HK1: variants seen among roughly 807,000 people sequenced by gnomAD.
HK1 encodes the protein hexokinase-1.
In HK1, 28 loss-of-function variants were observed where a neutral mutation model predicts 91.6. That is an observed-to-expected ratio of 0.31 (90% CI 0.23 to 0.42). The LOEUF is 0.42. Among genes scored for constraint, HK1 ranks in the 10% least tolerant of loss-of-function variants. HK1 has a pLI of 1.00. For missense variants in HK1, 770 were observed against 1,219.8 expected (o/e 0.63, Z 5.49); for synonymous variants, 430 against 468.1 (o/e 0.92, Z 1.05).
chr10:69,399,931 G>A (rs1840313324), intron 17 of HK1, among the ~76,000 whole-genome samples: 1 of 152,074 alleles, frequency 6.6e-6, no homozygotes, highest in African/African-American at 2.4e-5. Context: ...CCGTGGCTTG[G>A]GGTGGAACCA....
chr10:69,331,660 A>G (rs756037655), intron 1 of HK1, among the ~76,000 whole-genome samples: 2 of 152,212 alleles, frequency 1.3e-5, no homozygotes, highest in African/African-American at 2.4e-5. Flanking sequence ...GGATCACTTG[A>G]GCCCAGGAGC....
intron 1 of HK1, chr10:69,319,245 C>T: frequency 1.6e-6 from 1 of 615,004 alleles, no homozygotes. Context: ...CGAGACCGGG[C>T]TGCCTGCTGC....
At chr10:69,394,294 T>C (rs983876471) in intron 15 of HK1, among the ~76,000 whole-genome samples, 1 of 152,248 alleles carries the variant, frequency 6.6e-6, no homozygotes, top group Non-Finnish European at 1.5e-5. Context: ...CTCCCTCCTG[T>C]GTGGCCTCAT....
chr10:69,370,636 G>A (rs766810369), intron 7 of HK1, among the ~76,000 whole-genome samples: 7 of 152,164 alleles, frequency 4.6e-5, no homozygotes, highest in Non-Finnish European at 8.8e-5. Flanking sequence ...TTACAATCTA[G>A]ATGGGGAGGT....
intron 3 of HK1, among the ~76,000 whole-genome samples, chr10:69,361,973 A>G (rs1487551931): frequency 6.6e-6 from 1 of 152,070 alleles, no homozygotes; most frequent in Non-Finnish European, 1.5e-5. Flanking sequence ...ATGCGCCACC[A>G]CACCTGACTA....
chr10:69,399,983 A>G (rs1840315821), intron 17 of HK1, among the ~76,000 whole-genome samples: 1 of 152,092 alleles, frequency 6.6e-6, no homozygotes. Flanking sequence ...CCCCCTTAAT[A>G]GCTGTCCTTG....
chr10:69,373,884 C>T (rs1349820842), intron 7 of HK1, among the ~76,000 whole-genome samples: 2 of 152,174 alleles, frequency 1.3e-5, no homozygotes, highest in African/African-American at 4.8e-5. Context: ...GCTACTGCAC[C>T]CGGCCTGCTT....
intron 3 of HK1, among the ~76,000 whole-genome samples, chr10:69,289,070 C>T (rs181236641): frequency 6.6e-6 from 1 of 152,206 alleles, no homozygotes; most frequent in Admixed American, 6.5e-5. Flanking sequence ...ACAAGCCGCT[C>T]TGGTGTTTCT....
At chr10:69,329,143 T>C (rs1050623293) in intron 1 of HK1, among the ~76,000 whole-genome samples, 8 of 151,998 alleles carry the variant, frequency 5.3e-5, no homozygotes, top group Non-Finnish European at 7.3e-5. Flanking sequence ...TTTTTTTGTA[T>C]AGACATGCTT....
At chr10:69,278,824 A>C (rs1487368379) in intron 1 of HK1, 1 of 152,184 alleles carries the variant, frequency 6.6e-6, no homozygotes, top group Non-Finnish European at 1.5e-5. Context: ...TATTGATAAA[A>C]ATAAAACAGA....
intron 5 of HK1, among the ~76,000 whole-genome samples, chr10:69,306,613 T>G (rs771586577): frequency 1.3e-5 from 2 of 152,180 alleles, no homozygotes; most frequent in Non-Finnish European, 2.9e-5. Flanking sequence ...ATAAGTAAAG[T>G]AAGCATAGAA....
intron 5 of HK1, among the ~76,000 whole-genome samples, chr10:69,303,814 G>A (rs1845985523): frequency 6.6e-6 from 1 of 152,194 alleles, no homozygotes; most frequent in Non-Finnish European, 1.5e-5. Context: ...GGAGACTGGG[G>A]TTTTACTATT....
chr10:69,394,099 T>C (rs1840032831), intron 15 of HK1, among the ~76,000 whole-genome samples: 1 of 152,198 alleles, frequency 6.6e-6, no homozygotes, highest in Non-Finnish European at 1.5e-5. Context: ...CCACATGAAA[T>C]AGGAGGAATC....
rs774979760 is a variant in HK1, at chr10:69,368,540, T to A, written c.500T>A (p.Ile167Asn). 6.8e-6 allele frequency: 11 copies of A among 1,614,068 alleles called. No individual in the cohort carries two copies. Residue 167 changes from isoleucine to asparagine, a missense_variant, in exon 5 of 18, where the codon ATC (isoleucine) becomes AAC (asparagine). Physicochemically the swap from Ile to Asn is moderately radical, Grantham distance 149. Transcript: ENST00000359426. Reference sequence around the variant, plus strand: ...CCCATCCATTCTTCTTTGCAGGCCATCCTGATCACCTGGACAAAGCGATTT... The same window carrying A: ...CCCATCCATTCTTCTTTGCAGGCCAACCTGATCACCTGGACAAAGCGATTT... ...PCQQSKIDEA[I>N]LITWTKRFKA...
At chr10:69,294,067 T>C (rs1260339218) in intron 3 of HK1, among the ~76,000 whole-genome samples, 3 of 151,978 alleles carry the variant, frequency 2.0e-5, no homozygotes, top group African/African-American at 4.8e-5. Flanking sequence ...TTCACCGTGT[T>C]AGCCAGGATG....
At chr10:69,272,475 G>A (rs1844216922) in intron 1 of HK1, among the ~76,000 whole-genome samples, 1 of 152,112 alleles carries the variant, frequency 6.6e-6, no homozygotes, top group South Asian at 2.1e-4. Context: ...GTAAATTCAC[G>A]CAACTTTTGT....
intron 7 of HK1, among the ~76,000 whole-genome samples, chr10:69,374,604 G>A (rs887720639): frequency 2.0e-5 from 3 of 152,256 alleles, no homozygotes; most frequent in Non-Finnish European, 4.4e-5. Context: ...GCCTTGGTTT[G>A]AACAGAGAGA....
rs188091122 is a variant in HK1 at position 69,324,592 on chromosome 10, A to C, written c.63+5582A>C. Among the ~76,000 whole-genome samples, 4 of 152,296 alleles carry C rather than the reference A, an allele frequency of 2.6e-5. No homozygotes were observed. In the East Asian group the frequency reaches 7.7e-4, roughly 29 times the overall value. Reference sequence around the variant, plus strand: ...AGACTCCATCTAAACAAAAATAATAATTAAAAAAAAATGAAGTATTTGCTG... The same window carrying C: ...AGACTCCATCTAAACAAAAATAATACTTAAAAAAAAATGAAGTATTTGCTG... On this transcript the variant is annotated intron_variant, in intron 1 of 17. Transcript: ENST00000359426.
intron 5 of HK1, among the ~76,000 whole-genome samples, chr10:69,307,495 A>G (rs1846160594): frequency 6.6e-6 from 1 of 152,168 alleles, no homozygotes; most frequent in South Asian, 2.1e-4. Flanking sequence ...TAAGAGAAAT[A>G]AGGACAATAT....
Sources: gnomAD v4.1 joint callset for allele counts (sites outside exome capture counted in the v4.1 genomes callset) on GRCh38, gnomAD v4.1.1 for gene constraint, MANE v1.5 for transcripts, NCBI Gene and HGNC (gene_info 2026-07-23, HGNC 2026-07-21) for gene names.